NBEAL2: variants seen among roughly 807,000 people sequenced by gnomAD.
NBEAL2 encodes neurobeachin like 2.
A neutral mutation model predicts 299.8 loss-of-function variants in NBEAL2; 160 were observed. The ratio of observed to expected loss-of-function variants is 0.53; its 90% confidence interval spans 0.47 to 0.61. The LOEUF is 0.61. Among genes scored for constraint, NBEAL2 ranks in the 20% least tolerant of loss-of-function variants. NBEAL2 has a pLI of 0.00. For synonymous variants in NBEAL2, 1,493 were observed against 1,542.3 expected, an observed-to-expected ratio of 0.97 and a Z score of 0.75; for missense variants, 3,112 against 3,649.0, an observed-to-expected ratio of 0.85 and a Z score of 3.79.
rs752293898 is a variant in NBEAL2, at chr3:46,998,944, A to G, written c.3385-15A>G. The G allele has an allele frequency of 3.7e-6, 6 of 1,604,608 alleles. No homozygotes were observed. In the East Asian group the frequency reaches 9.0e-5, roughly 24 times the overall value. ...GAGTGGGGGCCCGACACAGTGTGAG[A>G]CCCTGCATCCCCAGGCGGTGGGTGC... On this transcript the variant is annotated splice_polypyrimidine_tract_variant and intron_variant, in intron 23 of 53. Coordinates refer to ENST00000450053, the MANE Select transcript of NBEAL2 (RefSeq NM_015175.3).
chr3:47,007,937 GC>G, intron 49 of NBEAL2, 27 bp downstream of exon 49: 2 of 1,600,888 alleles, frequency 1.2e-6, no homozygotes, highest in East Asian at 2.2e-5. Context: ...GCTCTGTGGG[GC>G]CCCCGTAGCC....
At chr3:46,994,951 G>C in intron 12 of NBEAL2, 81 bp from the exon 13 acceptor site, 1 of 1,466,206 alleles carries the variant, frequency 6.8e-7, no homozygotes. Context: ...TGCTGCCGTA[G>C]GCAAGTAAAT....
At position 47,009,554 on chromosome 3, in the gene NBEAL2, C is replaced by G; in HGVS notation, c.*234C>G. ...GAGGGCCAGCACTGGCGTCTGCGGC[C>G]GCAGCAGCACTTTTTGCACAGTCTG... On this transcript the variant is annotated 3_prime_UTR_variant, in exon 54 of 54. Transcript: ENST00000450053. 1 of 558,396 alleles carries G rather than the reference C, an allele frequency of 1.8e-6. No individual in the cohort carries two copies. Among genetic ancestry groups the G allele is most frequent in the Non-Finnish European group, 3.2e-6 (1 of 316,488 alleles). 34.6% of individuals were successfully genotyped at this position (558,396 alleles called of 1,614,324 possible).
chr3:46,981,482 C>T (rs2035335108), intron 1 of NBEAL2, among the ~76,000 whole-genome samples: 1 of 152,162 alleles, frequency 6.6e-6, no homozygotes, highest in Non-Finnish European at 1.5e-5. Flanking sequence ...CAGCCCTGAC[C>T]TCAGGGGCTT....
At position 47,009,429 on chromosome 3, in the gene NBEAL2, C is replaced by T. The variant is rs1419693986; in HGVS notation, c.*109C>T. ...GGGGTGGGCAGCCCAGGGGGGTGAGCGGGGCCCACCCTGCCCAGCTCAGGG... is the reference window on the plus strand; with the variant it reads ...GGGGTGGGCAGCCCAGGGGGGTGAGTGGGGCCCACCCTGCCCAGCTCAGGG... On this transcript the variant is annotated 3_prime_UTR_variant, in exon 54 of 54. Transcript: ENST00000450053. 6.2e-6 allele frequency: 6 copies of T among 967,240 alleles called. No homozygotes were observed. Among genetic ancestry groups the T allele is most frequent in the South Asian group, 6.1e-5 (4 of 65,554 alleles). The allele number at this position is 967,240 out of a possible 1,614,324, so 59.9% of individuals were successfully genotyped here.
At chr3:46,999,799 G>GTC (rs1241370251) in intron 26 of NBEAL2, 84 bp downstream of exon 26, 4 of 1,591,194 alleles carry the variant, frequency 2.5e-6, no homozygotes, top group Admixed American at 3.5e-5. Flanking sequence ...CTCATGAGGG[G>GTC]TCTCTGGAGC....
Position 47,003,428 on chromosome 3 carries a change from C to A in NBEAL2, c.5720+119C>A. 1 of 1,404,090 alleles carries A rather than the reference C, an allele frequency of 7.1e-7. No individual in the cohort carries two copies. Among genetic ancestry groups the A allele is most frequent in the Non-Finnish European group, 9.6e-7 (1 of 1,044,158 alleles). The allele number at this position is 1,404,090 out of a possible 1,614,324, so 87.0% of individuals were successfully genotyped here. A position where few individuals can be genotyped will look rare whatever the true frequency, so the allele number is the denominator to read the frequency against. ...GTCCTCTTCTGCTGCCCGACTACGT[C>A]CCCCTGAAGGGACTGTCCAAAGCCA... On this transcript the variant is annotated intron_variant, in intron 35 of 53. Transcript: ENST00000450053. The surrounding 1 kb of genome is among the most constrained non-coding windows in gnomAD (Gnocchi z 7.0).
intron 45 of NBEAL2, 126 bp downstream of exon 45, chr3:47,006,575 A>G (rs892187876): frequency 7.4e-6 from 7 of 946,330 alleles, no homozygotes; most frequent in Non-Finnish European, 1.2e-5. Context: ...ACCTTAGAAA[A>G]TGAGCTAAAC....
rs1489308014 is a variant in NBEAL2, at chr3:46,988,040, T to G, written c.52-629T>G. ...TAGACCTGGGCTTAGCCACTGCCCCTCTTGCCCATGGAACCAGCTCTGGGG... is the reference window on the plus strand; with the variant it reads ...TAGACCTGGGCTTAGCCACTGCCCCGCTTGCCCATGGAACCAGCTCTGGGG... On this transcript the variant is annotated intron_variant, in intron 1 of 53. Transcript: ENST00000450053. The surrounding 1 kb of genome is among the most constrained non-coding windows in gnomAD (Gnocchi z 4.4). 3.1e-6 allele frequency: 4 copies of G among 1,274,584 alleles called. No individual in the cohort carries two copies. The African/African-American group carries it at 4.6e-5, about 15-fold the overall frequency. The allele number at this position is 1,274,584 out of a possible 1,614,324, so 79.0% of individuals were successfully genotyped here. A position where few individuals can be genotyped will look rare whatever the true frequency, so the allele number is the denominator to read the frequency against.
chr3:46,996,853 G>T lies in NBEAL2; in HGVS notation c.2556+20G>T. 1 of 1,612,158 alleles carries T rather than the reference G, an allele frequency of 6.2e-7. No individual in the cohort carries two copies. Among genetic ancestry groups the T allele is most frequent in the Non-Finnish European group, 8.5e-7 (1 of 1,179,436 alleles). ...CCTCAGGTATTTGGGGGCCCCAGGGGAGTGGTTGGCTCGACTGTGCTACTT... is the reference window on the plus strand; with the variant it reads ...CCTCAGGTATTTGGGGGCCCCAGGGTAGTGGTTGGCTCGACTGTGCTACTT... On this transcript the variant is annotated intron_variant, in intron 17 of 53. Coordinates refer to ENST00000450053, the MANE Select transcript of NBEAL2 (RefSeq NM_015175.3).
rs1230914630 is a variant in NBEAL2 at position 47,009,248 on chromosome 3, G to T, written c.8193G>T (p.Leu2731=). 6.9e-6 allele frequency: 11 copies of T among 1,601,464 alleles called. No homozygotes were observed. Among genetic ancestry groups the T allele is most frequent in the Non-Finnish European group, 9.4e-6 (11 of 1,175,456 alleles). The part of the protein sequence containing the change: ...EVRSSQFARK[L]WRSSRRISQV... ...GCAGCAGCCAGTTCGCGCGGAAGCTGTGGCGGTCCTCGCGGCGCATCTCCC... is the reference window on the plus strand; with the variant it reads ...GCAGCAGCCAGTTCGCGCGGAAGCTTTGGCGGTCCTCGCGGCGCATCTCCC... Residue 2731 remains leucine, a synonymous_variant, in exon 54 of 54, where the codon CTG becomes CTT. Transcript: ENST00000450053.
rs2036576548 is a variant in NBEAL2 at position 46,997,338 on chromosome 3, A to C, written c.2729A>C (p.Glu910Ala). 2.5e-6 allele frequency: 4 copies of C among 1,612,942 alleles called. No individual in the cohort carries two copies. Among genetic ancestry groups the C allele is most frequent in the African/African-American group, 1.3e-5 (1 of 75,018 alleles). Residue 910 changes from glutamate (E) to alanine (A), a missense_variant, in exon 19 of 54, where the codon GAA (glutamate) becomes GCA (alanine). Coordinates refer to ENST00000450053, the MANE Select transcript of NBEAL2 (RefSeq NM_015175.3). ...ERVAAQPKEA[E>A]AGPAETHDLV... ...GTAGCTGCACAGCCCAAAGAGGCTGAAGCAGGTCCAGCTGAAACGCATGAC... is the reference window on the plus strand; with the variant it reads ...GTAGCTGCACAGCCCAAAGAGGCTGCAGCAGGTCCAGCTGAAACGCATGAC...
chr3:46,989,340 C>T lies in NBEAL2; in HGVS notation c.432C>T (p.Gly144=). 1 of 1,587,962 alleles carries T rather than the reference C, an allele frequency of 6.3e-7. No individual in the cohort carries two copies. The highest frequency in any genetic ancestry group is 8.6e-7 in the Non-Finnish European group (1 of 1,167,216). The change falls in exon 5 of 54, where the codon GGC becomes GGT. Residue 144 remains glycine (G), a synonymous_variant. Transcript: ENST00000450053. This position sits in a 1 kb window ranked among gnomAD's most constrained non-coding sequence, Gnocchi z 5.5. ...VALHALLLCE[G]LFDPYQTWRR... Reference sequence around the variant, plus strand: ...TACATGCTCTGCTTCTCTGCGAGGGCCTCTTTGACCCTTACCAAACCTGGC... The same window carrying T: ...TACATGCTCTGCTTCTCTGCGAGGGTCTCTTTGACCCTTACCAAACCTGGC...
Position 47,001,574 on chromosome 3 carries a change from T to C in NBEAL2, c.4645-115T>C. ...AGCATGAATGCCTGTGAGTGTGGACTTGCCTGTGTGCACAAACCCTACCTG... is the reference window on the plus strand; with the variant it reads ...AGCATGAATGCCTGTGAGTGTGGACCTGCCTGTGTGCACAAACCCTACCTG... On this transcript the variant is annotated intron_variant, in intron 29 of 53. Transcript: ENST00000450053. The surrounding 1 kb of genome is among the most constrained non-coding windows in gnomAD (Gnocchi z 6.1). 1.9e-6 allele frequency: 3 copies of C among 1,565,498 alleles called. No individual in the cohort carries two copies. Among genetic ancestry groups the C allele is most frequent in the Non-Finnish European group, 1.7e-6 (2 of 1,153,552 alleles).
In NBEAL2 at chr3:47,005,613, C is replaced by A; in HGVS notation, c.6685C>A (p.Gln2229Lys). 6.2e-7 allele frequency: 1 copy of A among 1,613,652 alleles called. No individual in the cohort carries two copies. Among genetic ancestry groups the A allele is most frequent in the South Asian group, 1.1e-5 (1 of 91,058 alleles). ...CTACTTTCCTGACTTCCTGGAGAACCAGAACGGTAGGTGTGAGGTGCTCAC... is the reference window on the plus strand; with the variant it reads ...CTACTTTCCTGACTTCCTGGAGAACAAGAACGGTAGGTGTGAGGTGCTCAC... ...FFYFPDFLEN[Q>K]NGFDLGCLQL... The change falls in exon 41 of 54, where the codon CAG becomes AAG. Residue 2229 changes from glutamine (Q) to lysine (K), a missense_variant. Gln to Lys is a moderately conservative substitution (Grantham distance 53). This residue lies in a region of NBEAL2 where 521 missense variants were observed against 729.6 expected (regional missense o/e 0.71). Coordinates refer to ENST00000450053, the MANE Select transcript of NBEAL2 (RefSeq NM_015175.3).
At position 47,004,900 on chromosome 3, in the gene NBEAL2, G is replaced by T. The variant is rs990424696; in HGVS notation, c.6295-72G>T. 5.2e-6 allele frequency: 8 copies of T among 1,551,644 alleles called. No homozygotes were observed. The highest frequency in any genetic ancestry group is 1.4e-5 in the African/African-American group (1 of 73,260). On this transcript the variant is annotated intron_variant, in intron 38 of 53. Coordinates refer to ENST00000450053, the MANE Select transcript of NBEAL2 (RefSeq NM_015175.3). The surrounding 1 kb of genome is among the most constrained non-coding windows in gnomAD (Gnocchi z 5.0). ...AGGCTCTGTGCCCGCCTTCTTGAGG[G>T]TGTGGGCAGGGCAGGGTGGGCTGGT...
chr3:46,985,979 C>T (rs2035646803), intron 1 of NBEAL2, among the ~76,000 whole-genome samples: 1 of 152,226 alleles, frequency 6.6e-6, no homozygotes, highest in Non-Finnish European at 1.5e-5. Flanking sequence ...CCCTGGCTCC[C>T]TGAGGGACTC....
chr3:46,993,617 G>C (rs1318226783), intron 10 of NBEAL2, among the ~76,000 whole-genome samples: 2 of 152,174 alleles, frequency 1.3e-5, no homozygotes, highest in East Asian at 3.8e-4. Context: ...AGACAGGTTG[G>C]GGGTAGGGCC....
rs1237573399 is a variant in NBEAL2 at position 46,996,399 on chromosome 3, C to A, written c.2280C>A (p.Val760=). The change falls in exon 16 of 54, where the codon GTC becomes GTA. Residue 760 remains valine, a synonymous_variant. Coordinates refer to ENST00000450053, the MANE Select transcript of NBEAL2 (RefSeq NM_015175.3). ...CCGCCCTCACCCGCTCCCAGTCAGT[C>A]CCAGCCTCCACAGGGCTTGGCTGGG... is the stretch of plus-strand genomic sequence containing the variant. The part of the protein sequence containing the change: ...THPALTRSQS[V]PASTGLGWGS... 1.2e-6 allele frequency: 2 copies of A among 1,611,974 alleles called. No homozygotes were observed. Among genetic ancestry groups the A allele is most frequent in the East Asian group, 4.5e-5 (2 of 44,874 alleles).
Sources: allele counts gnomAD v4.1 joint callset (sites outside exome capture counted in the v4.1 genomes callset), GRCh38; gene constraint gnomAD v4.1.1; regional missense constraint gnomAD v4.1.1; non-coding constraint Gnocchi (gnomAD v3.1); transcripts MANE v1.5; gene names NCBI Gene and HGNC (gene_info 2026-07-23, HGNC 2026-07-21).